The following ACSL3 variants were observed in gnomAD, a reference collection of about 807,000 sequenced individuals.
ACSL3 encodes the protein fatty acid CoA ligase Acsl3.
ACSL3 carries 34 observed loss-of-function variants against 84.7 expected under a neutral mutation model. The observed-to-expected ratio is 0.40, with a 90% CI of 0.31 to 0.53. ACSL3 has a LOEUF of 0.53. Ranked by LOEUF, ACSL3 falls within the 20% of genes least tolerant of loss-of-function variation. The probability of loss-of-function intolerance (pLI) is 0.48; values close to 1 mark genes in which losing one functional copy is unlikely to be tolerated. For missense variants in ACSL3, 680 were observed against 873.1 expected, an observed-to-expected ratio of 0.78 and a Z score of 2.79; for synonymous variants, 315 against 299.4, an observed-to-expected ratio of 1.05 and a Z score of -0.54.
At chr2:222,882,802 CG>C (rs1259024550) in intron 1 of ACSL3, among the ~76,000 whole-genome samples, 1 of 140,790 alleles carries the variant, frequency 7.1e-6, no homozygotes, top group Non-Finnish European at 1.5e-5. Context: ...CTCGCTCTGT[CG>C]CCCAGGCTGG....
intron 1 of ACSL3, among the ~76,000 whole-genome samples, chr2:222,871,736 C>A (rs934149899): frequency 7.2e-5 from 11 of 152,132 alleles, no homozygotes; most frequent in African/African-American, 2.7e-4. Context: ...AGAGAAGACA[C>A]AAGGGAGTTG....
intron 3 of ACSL3, among the ~76,000 whole-genome samples, chr2:222,907,729 A>G (rs531422222): frequency 2.7e-5 from 4 of 146,046 alleles, no homozygotes; most frequent in Admixed American, 1.4e-4. Flanking sequence ...CTTGTACTGT[A>G]CTCTATCCTG....
chr2:222,914,218 G>A (rs1361670644), intron 4 of ACSL3, among the ~76,000 whole-genome samples: 1 of 149,072 alleles, frequency 6.7e-6, no homozygotes, highest in Admixed American at 6.8e-5. Context: ...AAGGAAGGGT[G>A]GAAGGTGTGT....
chr2:222,905,421 A>G (rs1387520116), intron 3 of ACSL3, among the ~76,000 whole-genome samples: 1 of 152,196 alleles, frequency 6.6e-6, no homozygotes, highest in Non-Finnish European at 1.5e-5. Flanking sequence ...TTGGCCTCCC[A>G]AAGTGCTGGG....
At chr2:222,893,284 T>G (rs1004260156) in intron 2 of ACSL3, among the ~76,000 whole-genome samples, 1 of 152,224 alleles carries the variant, frequency 6.6e-6, no homozygotes, top group African/African-American at 2.4e-5. Context: ...GCTCTGCAAG[T>G]TGAGTTTTCA....
At chr2:222,905,303 A>G (rs1348662238) in intron 3 of ACSL3, among the ~76,000 whole-genome samples, 3 of 152,054 alleles carry the variant, frequency 2.0e-5, no homozygotes, top group African/African-American at 4.8e-5. Flanking sequence ...AGGGACTACA[A>G]GTGTGCACCA....
At chr2:222,887,509 T>C (rs1292650265) in intron 1 of ACSL3, among the ~76,000 whole-genome samples, 1 of 152,186 alleles carries the variant, frequency 6.6e-6, no homozygotes, top group Non-Finnish European at 1.5e-5. Flanking sequence ...CAAACTTCCG[T>C]AGTGGCTGTA....
chr2:222,867,164 C>T (rs1238238589), intron 1 of ACSL3, among the ~76,000 whole-genome samples: 5 of 152,058 alleles, frequency 3.3e-5, no homozygotes, highest in Non-Finnish European at 7.4e-5. Flanking sequence ...GAACATAATT[C>T]CTCAGGATGC....
intron 1 of ACSL3, among the ~76,000 whole-genome samples, chr2:222,882,771 T>G (rs1022509276): frequency 1.4e-5 from 2 of 144,066 alleles, no homozygotes; most frequent in Admixed American, 1.4e-4. Context: ...GTTTTTTTTT[T>G]TTTTTTTTTG....
At chr2:222,938,049 C>G (rs1423742101) in intron 16 of ACSL3, among the ~76,000 whole-genome samples, 4 of 152,228 alleles carry the variant, frequency 2.6e-5, no homozygotes, top group Admixed American at 2.0e-4. Flanking sequence ...GCTTAATCTT[C>G]CGTCTCATAT....
intron 1 of ACSL3, among the ~76,000 whole-genome samples, chr2:222,861,930 G>A (rs1271036041): frequency 1.3e-5 from 2 of 152,126 alleles, no homozygotes; most frequent in East Asian, 1.9e-4. Context: ...TGTGGGGTAG[G>A]TGTTATCAGG....
chr2:222,942,938 CTGTT>C lies in ACSL3; in HGVS notation c.*1285_*1288del, dbSNP rs1697357297. 1 of 224,630 alleles carries C rather than the reference CTGTT, an allele frequency of 4.5e-6. No individual in the cohort carries two copies. The highest frequency in any genetic ancestry group is 1.8e-4 in the South Asian group (1 of 5,462). The allele number at this position is 224,630 out of a possible 1,614,324, so 13.9% of individuals were successfully genotyped here. A position where few individuals can be genotyped will look rare whatever the true frequency, so the allele number is the denominator to read the frequency against. On this transcript the variant is annotated 3_prime_UTR_variant, in exon 17 of 17. Coordinates refer to ENST00000357430, the MANE Select transcript of ACSL3 (RefSeq NM_004457.5). ...AGTCTCTTCATTTATTACTGCTTGT[CTGTT>C]GTTATATCTGGATTATCAAAAGCAA...
chr2:222,916,661 C>A lies in ACSL3; in HGVS notation c.556+165C>A, dbSNP rs927274812. ...TTTTGGTTTATTTTGGAAAATAAAT[C>A]AATTATATGACAAATTGTACCAATC... On this transcript the variant is annotated intron_variant, in intron 5 of 16. Transcript: ENST00000357430. 5 of 687,898 alleles carry A rather than the reference C, an allele frequency of 7.3e-6. No individual in the cohort carries two copies. In the East Asian group the frequency reaches 8.6e-5, roughly 12 times the overall value. 42.6% of individuals were successfully genotyped at this position (687,898 alleles called of 1,614,324 possible). A position where few individuals can be genotyped will look rare whatever the true frequency, so the allele number is the denominator to read the frequency against.
chr2:222,874,190 T>TC (rs1695383858), intron 1 of ACSL3, among the ~76,000 whole-genome samples: 1 of 151,952 alleles, frequency 6.6e-6, no homozygotes, highest in South Asian at 2.1e-4. Flanking sequence ...ACCCGGCTCA[T>TC]TTTTTTGTAT....
At chr2:222,912,004 C>T (rs1018078655) in intron 4 of ACSL3, among the ~76,000 whole-genome samples, 1 of 152,206 alleles carries the variant, frequency 6.6e-6, no homozygotes. Context: ...GATCTGCCTA[C>T]TAGCATTTGC....
intron 1 of ACSL3, among the ~76,000 whole-genome samples, chr2:222,881,118 T>C (rs1695583345): frequency 6.6e-6 from 1 of 151,930 alleles, no homozygotes; most frequent in South Asian, 2.1e-4. Flanking sequence ...TAGTAGGCAA[T>C]TGATTTCATT....
intron 10 of ACSL3, 51 bp from the exon 11 acceptor site, chr2:222,924,405 G>T: frequency 6.8e-7 from 1 of 1,461,098 alleles, no homozygotes; most frequent in South Asian, 1.4e-5. Flanking sequence ...AAGTGAATAT[G>T]TAAGGCAGCT....
rs150074977 is a variant in ACSL3, at chr2:222,868,998, G to A, written c.-207+7740G>A. Among the ~76,000 whole-genome samples, 221 of 151,916 alleles carry A rather than the reference G, an allele frequency of 1.5e-3. 2 individuals carry two copies. Among genetic ancestry groups the A allele is most frequent in the Non-Finnish European group, 2.1e-3 (143 of 67,950 alleles). Reference sequence around the variant, plus strand: ...AAAAAAAAAAAAATTAGGATTTATCGTGTTTCAATTTTTTTGAAATACGTA... The same window carrying A: ...AAAAAAAAAAAAATTAGGATTTATCATGTTTCAATTTTTTTGAAATACGTA... On this transcript the variant is annotated intron_variant, in intron 1 of 16. Transcript: ENST00000357430.
rs749684786 is a variant in ACSL3, at chr2:222,942,634, T to A, written c.*980T>A. The A allele has an allele frequency of 5.1e-4, 102 of 201,962 alleles. No individual in the cohort carries two copies. The highest frequency in any genetic ancestry group is 7.8e-4 in the Admixed American group (13 of 16,664). The allele number at this position is 201,962 out of a possible 1,614,324, so 12.5% of individuals were successfully genotyped here. On this transcript the variant is annotated 3_prime_UTR_variant, in exon 17 of 17. Coordinates refer to ENST00000357430, the MANE Select transcript of ACSL3 (RefSeq NM_004457.5). ...AGTCTCCTTTTAGTCTAGATAATCA[T>A]TATTTCATTTTAAAATTAGTGTTTT...
Sources: allele counts gnomAD v4.1 joint callset (sites outside exome capture counted in the v4.1 genomes callset), GRCh38; gene constraint gnomAD v4.1.1; transcripts MANE v1.5; gene names NCBI Gene and HGNC (gene_info 2026-07-23, HGNC 2026-07-21).